The following OR9Q1 variants were observed in gnomAD, a reference collection of about 807,000 sequenced individuals.
The protein encoded by OR9Q1 is olfactory receptor family 9 subfamily Q member 1, also known as olfactory receptor 9Q1.
For synonymous variants in OR9Q1, 153 were observed against 148.6 expected, an observed-to-expected ratio of 1.03 and a Z score of -0.22; for missense variants, 374 against 378.8, an observed-to-expected ratio of 0.99 and a Z score of 0.11.
chr11:58,083,004 G>A (rs1368605264), intron 2 of OR9Q1, among the ~76,000 whole-genome samples: 7 of 150,394 alleles, frequency 4.7e-5, no homozygotes, highest in African/African-American at 1.7e-4. Flanking sequence ...CTATGCAGAA[G>A]CTCTTTAGTT....
chr11:58,173,749 T>C (rs1276681434), intron 2 of OR9Q1, among the ~76,000 whole-genome samples: 1 of 152,158 alleles, frequency 6.6e-6, no homozygotes, highest in East Asian at 1.9e-4. Flanking sequence ...TCAGAATTGC[T>C]GTGGACCCAC....
At chr11:58,164,382 C>G (rs2218867) in intron 2 of OR9Q1, among the ~76,000 whole-genome samples, 1 of 151,560 alleles carries the variant, frequency 6.6e-6, no homozygotes, top group African/African-American at 2.4e-5. Flanking sequence ...ATGGGGCAGG[C>G]GGTGGGAATG....
At chr11:58,132,630 G>A (rs1393162797) in intron 2 of OR9Q1, among the ~76,000 whole-genome samples, 1 of 152,148 alleles carries the variant, frequency 6.6e-6, no homozygotes, top group African/African-American at 2.4e-5. Context: ...CTGTAAATGA[G>A]GTTGGTCAGA....
At chr11:58,096,371 A>G (rs1283053546) in intron 2 of OR9Q1, among the ~76,000 whole-genome samples, 1 of 152,200 alleles carries the variant, frequency 6.6e-6, no homozygotes, top group Non-Finnish European at 1.5e-5. Context: ...CCCTGTCCAG[A>G]CAATCATTCT....
At chr11:58,043,266 G>A (rs1286032702) in intron 1 of OR9Q1, among the ~76,000 whole-genome samples, 1 of 152,068 alleles carries the variant, frequency 6.6e-6, no homozygotes, top group Non-Finnish European at 1.5e-5. Context: ...TCTTCAAAAG[G>A]GCAAAAGGTA....
intron 2 of OR9Q1, among the ~76,000 whole-genome samples, chr11:58,171,964 C>T (rs913152875): frequency 1.3e-5 from 2 of 152,060 alleles, no homozygotes; most frequent in African/African-American, 4.8e-5. Context: ...TTGATAAATA[C>T]TTGAAATTCC....
chr11:58,160,793 T>A (rs1291671557), intron 2 of OR9Q1, among the ~76,000 whole-genome samples: 1 of 152,188 alleles, frequency 6.6e-6, no homozygotes, highest in Non-Finnish European at 1.5e-5. Context: ...CTTCTTGGTA[T>A]CACTGAAATG....
chr11:58,054,631 G>A (rs1050335673), intron 1 of OR9Q1, among the ~76,000 whole-genome samples: 4 of 152,188 alleles, frequency 2.6e-5, no homozygotes, highest in Admixed American at 2.6e-4. Context: ...AATACTTGTG[G>A]CATAAAAATG....
At chr11:58,095,586 A>G (rs1853722761) in intron 2 of OR9Q1, among the ~76,000 whole-genome samples, 1 of 152,192 alleles carries the variant, frequency 6.6e-6, no homozygotes, top group South Asian at 2.1e-4. Context: ...ATATGGCAGC[A>G]GGAGAGAGAG....
intron 2 of OR9Q1, among the ~76,000 whole-genome samples, chr11:58,150,805 C>G (rs1470972286): frequency 6.6e-6 from 1 of 152,096 alleles, no homozygotes; most frequent in Non-Finnish European, 1.5e-5. Context: ...GAGTGTATTC[C>G]TTCTACTCAC....
rs112989939 is a variant in OR9Q1 at position 58,124,141 on chromosome 11, C to T, written c.-14-55290C>T. Among the ~76,000 whole-genome samples, 43 of 152,096 alleles carry T rather than the reference C, an allele frequency of 2.8e-4. 1 individual carries two copies. The highest frequency in any genetic ancestry group is 8.7e-4 in the African/African-American group (36 of 41,500). ...CTGGTGACACCCAGTTTTGTGTGAT[C>T]TTGTTTAAGAAGGAGATTGGGGTAC... On this transcript the variant is annotated intron_variant, in intron 2 of 2. Coordinates refer to ENST00000335397, the MANE Select transcript of OR9Q1 (RefSeq NM_001005212.4).
At chr11:58,031,995 C>T in intron 1 of OR9Q1, 1 of 710,250 alleles carries the variant, frequency 1.4e-6, no homozygotes, top group South Asian at 1.8e-5. Context: ...ATCAAGAATG[C>T]AGTTCCATTT....
intron 2 of OR9Q1, among the ~76,000 whole-genome samples, chr11:58,056,331 A>C (rs1199921546): frequency 6.6e-6 from 1 of 152,180 alleles, no homozygotes; most frequent in Non-Finnish European, 1.5e-5. Context: ...TATGAATGCT[A>C]TTAAGAGGCA....
intron 1 of OR9Q1, among the ~76,000 whole-genome samples, chr11:58,037,206 T>A (rs1381294885): frequency 6.6e-6 from 1 of 152,240 alleles, no homozygotes; most frequent in Non-Finnish European, 1.5e-5. Context: ...TGTTAGCATT[T>A]TTTTTAGCAA....
At position 58,179,411 on chromosome 11, in the gene OR9Q1, T is replaced by G; in HGVS notation, c.-14-20T>G. 1 of 1,426,908 alleles carries G rather than the reference T, an allele frequency of 7.0e-7. No homozygotes were observed. The highest frequency in any genetic ancestry group is 9.5e-7 in the Non-Finnish European group (1 of 1,048,448). The allele number at this position is 1,426,908 out of a possible 1,614,324, so 88.4% of individuals were successfully genotyped here. The stretch of plus-strand genomic sequence containing the variant: ...CCTATTTGCACCTTCCTAACTTGCT[T>G]CCCATTCTACATGTCTCAGGGACCA... On this transcript the variant is annotated intron_variant, in intron 2 of 2. Coordinates refer to ENST00000335397, the MANE Select transcript of OR9Q1 (RefSeq NM_001005212.4).
chr11:58,027,964 G>T (rs536918411), intron 1 of OR9Q1, among the ~76,000 whole-genome samples: 1 of 152,102 alleles, frequency 6.6e-6, no homozygotes, highest in East Asian at 1.9e-4. Context: ...TGGATGTCGG[G>T]GGGGCATCTG....
At chr11:58,110,550 A>G (rs1253165586) in intron 2 of OR9Q1, among the ~76,000 whole-genome samples, 4 of 152,038 alleles carry the variant, frequency 2.6e-5, no homozygotes, top group African/African-American at 9.7e-5. Flanking sequence ...TATGAGTTTC[A>G]CTCTTGAAAT....
chr11:58,088,863 T>A (rs550730420), intron 2 of OR9Q1, among the ~76,000 whole-genome samples: 30 of 151,708 alleles, frequency 2.0e-4, no homozygotes, highest in Non-Finnish European at 3.8e-4. Context: ...ATTTTGGCTT[T>A]TGTTGCAATT....
At chr11:58,039,668 G>A (rs1261747264) in intron 1 of OR9Q1, among the ~76,000 whole-genome samples, 1 of 152,152 alleles carries the variant, frequency 6.6e-6, no homozygotes, top group Non-Finnish European at 1.5e-5. Flanking sequence ...TCCAAGGCAA[G>A]CAGCTACAGG....
Sources: gnomAD v4.1 joint callset for allele counts (sites outside exome capture counted in the v4.1 genomes callset) on GRCh38, gnomAD v4.1.1 for gene constraint, MANE v1.5 for transcripts, NCBI Gene and HGNC (gene_info 2026-07-23, HGNC 2026-07-21) for gene names.